The following PRKN variants were observed in gnomAD, a reference collection of about 807,000 sequenced individuals.
The protein encoded by PRKN is parkin RBR E3 ubiquitin protein ligase.
A neutral mutation model predicts 59.5 loss-of-function variants in PRKN; 56 were observed. The observed-to-expected ratio is 0.94, with a 90% CI of 0.76 to 1.18. The LOEUF (loss-of-function observed/expected upper bound fraction) is 1.18. Among genes scored for constraint, PRKN ranks in the 50% most tolerant of loss-of-function variants. The pLI, the probability that PRKN is intolerant of heterozygous loss-of-function variation, is 0.00. For missense variants in PRKN, 657 were observed against 596.4 expected (o/e 1.10, Z -1.06); for synonymous variants, 250 against 222.1 (o/e 1.13, Z -1.12).
At chr6:162,705,431 G>A (rs968779264) in intron 1 of PRKN, among the ~76,000 whole-genome samples, 4 of 152,100 alleles carry the variant, frequency 2.6e-5, no homozygotes, top group Non-Finnish European at 5.9e-5. Context: ...GAGGAATCTG[G>A]TAGAGCTTCT....
intron 1 of PRKN, among the ~76,000 whole-genome samples, chr6:162,579,763 CAT>C (rs141226189): frequency 0.1 from 15,375 of 147,812 alleles, 929 homozygotes; most frequent in Middle Eastern, 0.19. Flanking sequence ...CATTTACAAA[CAT>C]ATAAAAATTC....
At chr6:162,685,909 C>T (rs769656322) in intron 1 of PRKN, among the ~76,000 whole-genome samples, 6 of 152,036 alleles carry the variant, frequency 3.9e-5, no homozygotes, top group Non-Finnish European at 8.8e-5. Context: ...CCATCATTAA[C>T]GTGTGCATTC....
At chr6:161,472,013 A>C (rs952875144) in intron 9 of PRKN, among the ~76,000 whole-genome samples, 4 of 152,102 alleles carry the variant, frequency 2.6e-5, no homozygotes, top group South Asian at 4.1e-4. Context: ...TCATTTGAAA[A>C]ATTTTTGAAA....
intron 3 of PRKN, among the ~76,000 whole-genome samples, chr6:162,254,910 A>C (rs1441104641): frequency 1.3e-4 from 20 of 152,066 alleles, no homozygotes; most frequent in Admixed American, 1.3e-3. Context: ...TACATCATTC[A>C]GGGCTGGAAA....
chr6:162,108,702 C>T (rs1264637911), intron 4 of PRKN, among the ~76,000 whole-genome samples: 4 of 152,162 alleles, frequency 2.6e-5, no homozygotes, highest in East Asian at 1.9e-4. Flanking sequence ...GAACGGTGAA[C>T]GGAGGACCTG....
intron 1 of PRKN, among the ~76,000 whole-genome samples, chr6:162,450,241 A>AC (rs1790523320): frequency 6.6e-6 from 1 of 151,476 alleles, no homozygotes; most frequent in African/African-American, 2.4e-5. Context: ...GTGACAGTAA[A>AC]TCCCCTGTGA....
Position 161,347,613 on chromosome 6 carries a change from GT to G in PRKN, c.*2485del, listed in dbSNP as rs763588687. The stretch of plus-strand genomic sequence containing the variant: ...GTGTAGTGGATGATCTTGCTTTTTT[GT>G]TTTTGTTTTTTTTTTTTTTTTGAGA... On this transcript the variant is annotated 3_prime_UTR_variant, in exon 12 of 12. Transcript: ENST00000366898. 15 of 119,268 alleles carry G rather than the reference GT, an allele frequency of 1.3e-4. No homozygotes were observed. Among genetic ancestry groups the G allele is most frequent in the African/African-American group, 4.9e-4 (14 of 28,776 alleles). The allele number at this position is 119,268 out of a possible 1,614,324, so 7.4% of individuals were successfully genotyped here.
At chr6:162,466,009 G>C (rs112442148) in intron 1 of PRKN, among the ~76,000 whole-genome samples, 2 of 152,014 alleles carry the variant, frequency 1.3e-5, no homozygotes, top group African/African-American at 4.8e-5. Flanking sequence ...ACAAAGTGTT[G>C]AAAGAAAATA....
chr6:161,902,552 A>ATCTATTTTTT (rs1343265664), intron 6 of PRKN, among the ~76,000 whole-genome samples: 7 of 121,040 alleles, frequency 5.8e-5, no homozygotes, highest in Non-Finnish European at 1.0e-4. Flanking sequence ...CTATCTATTT[A>ATCTATTTTTT]TTTATTTATT....
rs894292837 is a variant in PRKN, at chr6:161,484,721, G to C, written c.1083+64133C>G. 6.6e-6 allele frequency among the ~76,000 whole-genome samples: 1 copy of C among 152,154 alleles called. No individual in the cohort carries two copies. Among genetic ancestry groups the C allele is most frequent in the Non-Finnish European group, 1.5e-5 (1 of 68,020 alleles). On this transcript the variant is annotated intron_variant, in intron 9 of 11. Transcript: ENST00000366898. This position sits in a 1 kb window ranked among gnomAD's most constrained non-coding sequence, Gnocchi z 4.9. ...CTGCATGGTGTTTGGCACCATCCCT[G>C]CCTCTACCCGCTAGATGCTAGAAGC... is the stretch of plus-strand genomic sequence containing the variant.
At chr6:162,233,200 A>G (rs1448136271) in intron 3 of PRKN, among the ~76,000 whole-genome samples, 1 of 152,222 alleles carries the variant, frequency 6.6e-6, no homozygotes, top group African/African-American at 2.4e-5. Flanking sequence ...TTTTTAAAAC[A>G]TCTCCAATAT....
chr6:161,461,315 G>A lies in PRKN; in HGVS notation c.1084-74438C>T, dbSNP rs1275975588. ...TGTCGCTGGAGATGAGGGGGATGGT[G>A]GAGAGGGAGGGTAGGTGGAAGATGA... On this transcript the variant is annotated intron_variant, in intron 9 of 11. Transcript: ENST00000366898. This position sits in a 1 kb window ranked among gnomAD's most constrained non-coding sequence, Gnocchi z 5.1. 1.3e-5 allele frequency among the ~76,000 whole-genome samples: 2 copies of A among 152,174 alleles called. No homozygotes were observed. Among genetic ancestry groups the A allele is most frequent in the East Asian group, 3.8e-4 (2 of 5,204 alleles).
At chr6:162,007,225 A>G (rs947965247) in intron 5 of PRKN, among the ~76,000 whole-genome samples, 12 of 152,188 alleles carry the variant, frequency 7.9e-5, no homozygotes, top group African/African-American at 2.9e-4. Flanking sequence ...CAGTGCAGTG[A>G]GTGGTCATGT....
chr6:161,597,836 G>GCGCA (rs1554281392), intron 7 of PRKN, among the ~76,000 whole-genome samples: 7 of 150,116 alleles, frequency 4.7e-5, no homozygotes, highest in South Asian at 2.1e-4. Context: ...TCCAGCGTGC[G>GCGCA]CACACACACA....
At chr6:161,899,771 G>A (rs543365772) in intron 6 of PRKN, among the ~76,000 whole-genome samples, 3 of 152,196 alleles carry the variant, frequency 2.0e-5, no homozygotes, top group Non-Finnish European at 2.9e-5. Flanking sequence ...ATTCCCATAC[G>A]TTGTACTATG....
chr6:161,830,578 G>A (rs990465462), intron 6 of PRKN, among the ~76,000 whole-genome samples: 4 of 152,122 alleles, frequency 2.6e-5, no homozygotes, highest in African/African-American at 9.7e-5. Flanking sequence ...ATAACAAGGT[G>A]TCACTGGGTC....
intron 3 of PRKN, among the ~76,000 whole-genome samples, chr6:162,259,387 G>C (rs1173406003): frequency 6.6e-6 from 1 of 152,094 alleles, no homozygotes; most frequent in Non-Finnish European, 1.5e-5. Context: ...AACATTTTGG[G>C]GCCTCTACCC....
chr6:161,905,341 C>G (rs988907270), intron 6 of PRKN, among the ~76,000 whole-genome samples: 1 of 152,180 alleles, frequency 6.6e-6, no homozygotes, highest in African/African-American at 2.4e-5. Flanking sequence ...GAGGAATTTT[C>G]TGAAATTCAG....
intron 4 of PRKN, among the ~76,000 whole-genome samples, chr6:162,057,448 T>C (rs914257968): frequency 2.0e-5 from 3 of 152,194 alleles, no homozygotes; most frequent in Admixed American, 6.5e-5. Context: ...ATTAGAAGGT[T>C]GTCTGCACCT....
Sources: gnomAD v4.1 joint callset for allele counts (sites outside exome capture counted in the v4.1 genomes callset) on GRCh38, gnomAD v4.1.1 for gene constraint, Gnocchi (gnomAD v3.1) non-coding constraint, MANE v1.5 for transcripts, NCBI Gene and HGNC (gene_info 2026-07-23, HGNC 2026-07-21) for gene names.